The following LOC400499 variants were observed in gnomAD, a reference collection of about 807,000 sequenced individuals.
chr16:11,446,677 G>T, the LOC400499 span: 1 of 1,532,912 alleles, frequency 6.5e-7, no homozygotes, highest in Non-Finnish European at 8.7e-7. Flanking sequence ...CGCATGCAGG[G>T]AGTGAGGAGG....
chr16:11,436,464 C>G, the LOC400499 span, among the ~76,000 whole-genome samples: 1 of 152,190 alleles, frequency 6.6e-6, no homozygotes, highest in East Asian at 1.9e-4. Flanking sequence ...GCTCCACCAG[C>G]TCCCAAGGGA....
chr16:11,475,532 G>T, the LOC400499 span: 3 of 397,126 alleles, frequency 7.6e-6, no homozygotes, highest in African/African-American at 2.1e-5. Context: ...TTTTAGGGCA[G>T]GAGAGCAACT....
the LOC400499 span, among the ~76,000 whole-genome samples, chr16:11,505,440 C>CT: frequency 2.0e-4 from 15 of 75,324 alleles, no homozygotes; most frequent in African/African-American, 6.5e-4. Flanking sequence ...TTTAATTTTT[C>CT]TTTTCTTTTT....
At chr16:11,489,046 G>A in the LOC400499 span, among the ~76,000 whole-genome samples, 17 of 152,286 alleles carry the variant, frequency 1.1e-4, no homozygotes, top group East Asian at 1.5e-3. Flanking sequence ...CCAACAAGTC[G>A]TGCCTGAACA....
At chr16:11,385,489 C>T in the LOC400499 span, 5 of 1,058,092 alleles carry the variant, frequency 4.7e-6, no homozygotes, top group African/African-American at 6.6e-5. Context: ...CCAATGCCTG[C>T]TGGGTGCCCC....
the LOC400499 span, among the ~76,000 whole-genome samples, chr16:11,516,605 C>T: frequency 1.3e-5 from 2 of 152,164 alleles, no homozygotes; most frequent in South Asian, 4.1e-4. Context: ...TTCCAAAACG[C>T]CTCACTTAAT....
chr16:11,412,514 G>A, the LOC400499 span, among the ~76,000 whole-genome samples: 1 of 152,184 alleles, frequency 6.6e-6, no homozygotes, highest in African/African-American at 2.4e-5. Flanking sequence ...GGTGGCCCCT[G>A]ACTTACTGCA....
chr16:11,491,320 G>C, the LOC400499 span, among the ~76,000 whole-genome samples: 1 of 152,098 alleles, frequency 6.6e-6, no homozygotes, highest in African/African-American at 2.4e-5. Context: ...CTCCAGAAGG[G>C]ATCTAGATTT....
chr16:11,493,382 G>A, the LOC400499 span, among the ~76,000 whole-genome samples: 5 of 152,170 alleles, frequency 3.3e-5, no homozygotes, highest in African/African-American at 1.2e-4. Context: ...AGTGGCCCAT[G>A]GCCCGTAGTC....
chr16:11,515,221 G>A, the LOC400499 span, among the ~76,000 whole-genome samples: 3 of 152,184 alleles, frequency 2.0e-5, no homozygotes, highest in Non-Finnish European at 2.9e-5. Context: ...TGAGGCAGGA[G>A]GATCACTTGA....
the LOC400499 span, among the ~76,000 whole-genome samples, chr16:11,416,084 T>G: frequency 2.0e-5 from 3 of 151,714 alleles, no homozygotes; most frequent in Non-Finnish European, 4.4e-5. Context: ...GGCTCCTGAG[T>G]AGCTGGGACT....
the LOC400499 span, among the ~76,000 whole-genome samples, chr16:11,437,633 T>C: frequency 6.6e-6 from 1 of 152,150 alleles, no homozygotes; most frequent in African/African-American, 2.4e-5. Flanking sequence ...TTTGGAAGGC[T>C]GGGGCAGGCA....
chr16:11,402,117 A>AGT, the LOC400499 span: 13 of 399,050 alleles, frequency 3.3e-5, no homozygotes, highest in Non-Finnish European at 8.8e-6. Flanking sequence ...CGGAGGCTGC[A>AGT]GTGTCGCGGC....
At chr16:11,441,093 C>A in the LOC400499 span, 1 of 398,990 alleles carries the variant, frequency 2.5e-6, no homozygotes, top group South Asian at 1.3e-4. Context: ...GTGTGAGAAC[C>A]AGGGGCACTG....
chr16:11,494,158 G>C, the LOC400499 span, among the ~76,000 whole-genome samples: 1 of 116,950 alleles, frequency 8.6e-6, no homozygotes, highest in African/African-American at 3.3e-5. Context: ...TGGCCTGGGC[G>C]GGGGCAGTGG....
the LOC400499 span, among the ~76,000 whole-genome samples, chr16:11,508,347 C>T: frequency 6.6e-6 from 1 of 152,212 alleles, no homozygotes; most frequent in Non-Finnish European, 1.5e-5. Flanking sequence ...TCGGAGGAGG[C>T]CTGGGCCATG....
At chr16:11,386,811 G>C in the LOC400499 span, among the ~76,000 whole-genome samples, 1 of 152,246 alleles carries the variant, frequency 6.6e-6, no homozygotes, top group East Asian at 1.9e-4. Context: ...CGGCGAGTCT[G>C]AAGTCAGTCA....
chr16:11,498,438 C>T, the LOC400499 span, among the ~76,000 whole-genome samples: 103,628 of 151,580 alleles, frequency 0.68, 35,628 homozygotes, highest in Admixed American at 0.75. Flanking sequence ...GCCGAGATTG[C>T]GCCACTGCAC....
the LOC400499 span, chr16:11,381,224 G>GC: frequency 6.6e-6 from 1 of 152,080 alleles, no homozygotes; most frequent in South Asian, 2.1e-4. Context: ...CATTTTTCAT[G>GC]CATTTATTTC....
Sources: gnomAD v4.1 joint callset for allele counts (sites outside exome capture counted in the v4.1 genomes callset) on GRCh38, gnomAD v4.1.1 for gene constraint, MANE v1.5 for transcripts.